Variants in KIF18A observed in about 807,000 individuals in gnomAD.
The protein encoded by KIF18A is kinesin family member 18A.
Under a neutral mutation model 103.3 loss-of-function variants are expected in KIF18A, and 67 were observed. The observed-to-expected ratio is 0.65, with a 90% confidence interval of 0.53 to 0.79. The LOEUF (loss-of-function observed/expected upper bound fraction) is 0.79. Ranked by LOEUF, KIF18A falls within the 30% of genes least tolerant of loss-of-function variation. The pLI, the probability that KIF18A is intolerant of heterozygous loss-of-function variation, is 0.00. For synonymous variants in KIF18A, 367 were observed against 355.5 expected (o/e 1.03, Z -0.36); for missense variants, 1,032 against 1,062.5 (o/e 0.97, Z 0.40).
chr11:28,098,110 A>G, intron 1 of KIF18A, 117 bp from the exon 2 acceptor site: 1 of 562,816 alleles, frequency 1.8e-6, no homozygotes, highest in Non-Finnish European at 3.1e-6. Flanking sequence ...TCACTAGGTA[A>G]ACACTGGGGG....
chr11:28,097,446 T>C (rs1430064151), intron 2 of KIF18A, 177 bp downstream of exon 2: 25 of 597,274 alleles, frequency 4.2e-5, no homozygotes, highest in Non-Finnish European at 6.8e-5. Context: ...ATAAGTTATA[T>C]ATGATAACTA....
chr11:28,036,280 C>G lies in KIF18A; in HGVS notation c.2333G>C (p.Ser778Thr). Residue 778 changes from serine to threonine, a missense_variant, in exon 14 of 17, where the codon AGC becomes ACC. Physicochemically the swap from Ser to Thr is moderately conservative, Grantham distance 58. Transcript: ENST00000263181. ...STFTICEDIK[S>T]SKCKLPEQES... The stretch of plus-strand genomic sequence containing the variant: ...TTGTTCGGGTAATTTACACTTCGAG[C>G]TCTTGATGTCTTCACATATAGTAAA... The G allele has an allele frequency of 6.2e-7, 1 of 1,609,936 alleles. No homozygotes were observed. The highest frequency in any genetic ancestry group is 1.3e-5 in the African/African-American group (1 of 74,756).
chr11:28,097,405 G>A lies in KIF18A; in HGVS notation c.325+218C>T, dbSNP rs1851388833. On this transcript the variant is annotated intron_variant, in intron 2 of 16. Coordinates refer to ENST00000263181, the MANE Select transcript of KIF18A (RefSeq NM_031217.4). Reference sequence around the variant, plus strand: ...AGATGTCTATAGGGGCCACAGTAAGGCCCTGGAAGAGAAAGGTTTACAAAT... The same window carrying A: ...AGATGTCTATAGGGGCCACAGTAAGACCCTGGAAGAGAAAGGTTTACAAAT... 9.8e-6 allele frequency: 5 copies of A among 511,102 alleles called. No homozygotes were observed. In the East Asian group the frequency reaches 1.7e-4, roughly 18 times the overall value. 31.7% of individuals were successfully genotyped at this position (511,102 alleles called of 1,614,324 possible).
intron 13 of KIF18A, among the ~76,000 whole-genome samples, chr11:28,045,311 A>G (rs1565074543): frequency 6.6e-6 from 1 of 151,984 alleles, no homozygotes; most frequent in Non-Finnish European, 1.5e-5. Context: ...CAGTATTTGC[A>G]TCTTTCAAAT....
At chr11:28,084,891 G>A in intron 6 of KIF18A, 83 bp from the exon 7 acceptor site, 1 of 1,058,440 alleles carries the variant, frequency 9.4e-7, no homozygotes, top group Non-Finnish European at 1.4e-6. Flanking sequence ...CACTGTGGGG[G>A]GAGGATTACC....
intron 13 of KIF18A, among the ~76,000 whole-genome samples, chr11:28,041,799 T>C (rs1304184814): frequency 1.3e-5 from 2 of 151,832 alleles, no homozygotes; most frequent in Admixed American, 6.6e-5. Context: ...AATATCTATA[T>C]ATGTAATTAG....
intron 6 of KIF18A, among the ~76,000 whole-genome samples, chr11:28,085,169 T>C (rs1851211093): frequency 1.3e-5 from 2 of 152,174 alleles, no homozygotes; most frequent in South Asian, 4.1e-4. Flanking sequence ...GAGCCTTCTG[T>C]TATGCCGGCA....
intron 16 of KIF18A, among the ~76,000 whole-genome samples, chr11:28,022,842 A>G (rs1850264141): frequency 6.6e-6 from 1 of 152,302 alleles, no homozygotes. Context: ...TTACCAATAT[A>G]GTTTGACAAA....
Position 28,059,179 on chromosome 11 carries a change from G to A in KIF18A, c.1713-18C>T. The stretch of plus-strand genomic sequence containing the variant: ...TCAATACTCTATATACAGAAGATGA[G>A]AAGAAAGGAGAGATAAATATGACAT... On this transcript the variant is annotated intron_variant, in intron 12 of 16. Coordinates refer to ENST00000263181, the MANE Select transcript of KIF18A (RefSeq NM_031217.4). The A allele has an allele frequency of 6.6e-7, 1 of 1,513,676 alleles. No individual in the cohort carries two copies. Among genetic ancestry groups the A allele is most frequent in the Non-Finnish European group, 9.1e-7 (1 of 1,093,200 alleles). 93.8% of individuals were successfully genotyped at this position (1,513,676 alleles called of 1,614,324 possible).
intron 15 of KIF18A, among the ~76,000 whole-genome samples, chr11:28,029,785 C>A (rs1407003855): frequency 1.5e-5 from 2 of 133,858 alleles, no homozygotes; most frequent in African/African-American, 5.7e-5. Context: ...AAAACCCCAT[C>A]GTCTCAGCCC....
intron 15 of KIF18A, among the ~76,000 whole-genome samples, chr11:28,028,215 C>T (rs1285120628): frequency 6.6e-6 from 1 of 152,030 alleles, no homozygotes; most frequent in African/African-American, 2.4e-5. Context: ...CCACAATCAA[C>T]AGAATATACA....
intron 6 of KIF18A, among the ~76,000 whole-genome samples, chr11:28,086,738 T>C (rs1851233847): frequency 6.6e-6 from 1 of 152,214 alleles, no homozygotes; most frequent in Admixed American, 6.5e-5. Flanking sequence ...CTGGTGCTAT[T>C]TTAAGTGATT....
intron 15 of KIF18A, among the ~76,000 whole-genome samples, chr11:28,028,380 A>G (rs1850348919): frequency 6.6e-6 from 1 of 152,176 alleles, no homozygotes; most frequent in African/African-American, 2.4e-5. Context: ...ACACTCACTC[A>G]AAACCACTCA....
At position 28,024,870 on chromosome 11, in the gene KIF18A, C is replaced by T. The variant is rs372367458; in HGVS notation, c.2505-1020G>A. Among the ~76,000 whole-genome samples, 1,018 of 151,818 alleles carry T rather than the reference C, an allele frequency of 6.7e-3. 12 individuals carry two copies. Among genetic ancestry groups the T allele is most frequent in the Non-Finnish European group, 8.9e-3 (603 of 67,900 alleles). Reference sequence around the variant, plus strand: ...ACTATATAGTAATCCCCCTTATCGACGGGGGGGATATCTTCTAAGATCGCC... The same window carrying T: ...ACTATATAGTAATCCCCCTTATCGATGGGGGGGATATCTTCTAAGATCGCC... On this transcript the variant is annotated intron_variant, in intron 15 of 16. Transcript: ENST00000263181.
chr11:28,103,648 A>C (rs1851471627), intron 1 of KIF18A, among the ~76,000 whole-genome samples: 1 of 152,078 alleles, frequency 6.6e-6, no homozygotes, highest in Non-Finnish European at 1.5e-5. Flanking sequence ...GTATATAGTA[A>C]ATTTTCAAAT....
At chr11:28,084,339 C>T (rs1051973926) in intron 7 of KIF18A, 7 of 153,534 alleles carry the variant, frequency 4.6e-5, no homozygotes, top group African/African-American at 1.7e-4. Context: ...AGATGCCATC[C>T]AAATACAATA....
At chr11:28,024,191 T>TAAAAAAAAAA (rs60587483) in intron 15 of KIF18A, among the ~76,000 whole-genome samples, 1 of 111,060 alleles carries the variant, frequency 9.0e-6, no homozygotes, top group Non-Finnish European at 1.9e-5. Context: ...CACAAGAGGT[T>TAAAAAAAAAA]AAAAAAAAAA....
At chr11:28,078,224 T>C (rs1017702303) in intron 9 of KIF18A, among the ~76,000 whole-genome samples, 2 of 152,124 alleles carry the variant, frequency 1.3e-5, no homozygotes, top group African/African-American at 2.4e-5. Context: ...CTATTGGGAA[T>C]GAATATAAGC....
At chr11:28,076,825 C>T (rs1851097445) in intron 10 of KIF18A, 182 bp downstream of exon 10, 4 of 357,748 alleles carry the variant, frequency 1.1e-5, no homozygotes, top group African/African-American at 2.2e-5. Context: ...TACCAGCTAG[C>T]TGGGAGGCTG....
Sources: allele counts gnomAD v4.1 joint callset (sites outside exome capture counted in the v4.1 genomes callset), GRCh38; gene constraint gnomAD v4.1.1; transcripts MANE v1.5; gene names NCBI Gene and HGNC (gene_info 2026-07-23, HGNC 2026-07-21).